Variants in ADCY7 observed in about 807,000 individuals in gnomAD.
The protein encoded by ADCY7 is adenylate cyclase type 7.
Under a neutral mutation model 120.6 loss-of-function variants are expected in ADCY7, and 72 were observed. The observed-to-expected ratio is 0.60, with a 90% CI of 0.49 to 0.73. The LOEUF (loss-of-function observed/expected upper bound fraction) is 0.73, where lower values mean the gene tolerates loss of function less well. Ranked by LOEUF, ADCY7 falls within the 30% of genes least tolerant of loss-of-function variation. ADCY7 has a pLI of 0.00. For synonymous variants in ADCY7, 661 were observed against 628.0 expected (o/e 1.05, Z -0.78); for missense variants, 1,227 against 1,486.0 (o/e 0.83, Z 2.87).
In ADCY7 at chr16:50,313,020, T is replaced by C. The variant is rs752420658; in HGVS notation, c.2735T>C (p.Ile912Thr). Residue 912 changes from isoleucine (I) to threonine (T), a missense_variant, in exon 22 of 26, where the codon ATT becomes ACT. By Grantham distance (89) the Ile-to-Thr change is moderately conservative (BLOSUM62 -1). Coordinates refer to ENST00000673801, the MANE Select transcript of ADCY7 (RefSeq NM_001114.5). ...LECLRLLNEI[I>T]ADFDELLLKP... ...TGCCTACGCCTGCTCAATGAGATCA[T>C]TGCCGACTTCGACGAGGTACAGCCT... The C allele has an allele frequency of 7.1e-5, 115 of 1,614,018 alleles. No homozygotes were observed. The highest frequency in any genetic ancestry group is 3.3e-4 in the Middle Eastern group (2 of 6,084).
chr16:50,315,197 G>A, intron 25 of ADCY7, 59 bp downstream of exon 25: 1 of 1,601,252 alleles, frequency 6.2e-7, no homozygotes, highest in Admixed American at 1.7e-5. Flanking sequence ...CAGAGGTGAG[G>A]GGACTTGGAC....
intron 19 of ADCY7, 146 bp downstream of exon 19, chr16:50,311,026 G>A (rs548561321): frequency 3.8e-5 from 33 of 858,696 alleles, no homozygotes; most frequent in East Asian, 1.9e-4. Flanking sequence ...GCTCAGAGCC[G>A]AGGAATTCAC....
chr16:50,273,312 C>T (rs2033685972), intron 1 of ADCY7, among the ~76,000 whole-genome samples: 1 of 152,250 alleles, frequency 6.6e-6, no homozygotes, highest in Non-Finnish European at 1.5e-5. Flanking sequence ...TCACGGCCTG[C>T]TGTTGGATCT....
chr16:50,313,139 A>G lies in ADCY7; in HGVS notation c.2751+103A>G. On this transcript the variant is annotated intron_variant, in intron 22 of 25. Coordinates refer to ENST00000673801, the MANE Select transcript of ADCY7 (RefSeq NM_001114.5). ...AAAACCCAATTTAAAAATGTGACAC[A>G]GAGCTGGGCAAGGTGGTCTATAATC... 1.7e-5 allele frequency: 25 copies of G among 1,484,078 alleles called. No individual in the cohort carries two copies. The South Asian group carries it at 3.1e-4, about 18-fold the overall frequency. The allele number at this position is 1,484,078 out of a possible 1,614,324, so 91.9% of individuals were successfully genotyped here. A position where few individuals can be genotyped will look rare whatever the true frequency, so the allele number is the denominator to read the frequency against.
At chr16:50,275,129 G>A (rs544690610) in intron 1 of ADCY7, among the ~76,000 whole-genome samples, 11 of 152,330 alleles carry the variant, frequency 7.2e-5, no homozygotes, top group South Asian at 6.2e-4. Flanking sequence ...AACTGCCTAG[G>A]GAGGGTGCTG....
intron 1 of ADCY7, among the ~76,000 whole-genome samples, chr16:50,281,266 C>G (rs933407264): frequency 6.6e-5 from 10 of 152,224 alleles, no homozygotes; most frequent in Non-Finnish European, 8.8e-5. Flanking sequence ...GATGAGGAAA[C>G]TGAGGCCAGA....
At chr16:50,305,170 A>G (rs2035977747) in intron 12 of ADCY7, among the ~76,000 whole-genome samples, 1 of 152,180 alleles carries the variant, frequency 6.6e-6, no homozygotes, top group Non-Finnish European at 1.5e-5. Flanking sequence ...CACCTGTTGT[A>G]TGGTGCCCTG....
In ADCY7 at chr16:50,258,824, C is replaced by T. The variant is rs1014300019; in HGVS notation, c.-64+12621C>T. On this transcript the variant is annotated intron_variant, in intron 1 of 4. Transcript: ENST00000564044. Reference sequence around the variant, plus strand: ...CTGGTCTTGAACTCCTGGGCTCAAGCGATCCTCCTGATCTCCCTGTCTTGG... The same window carrying T: ...CTGGTCTTGAACTCCTGGGCTCAAGTGATCCTCCTGATCTCCCTGTCTTGG... Among the ~76,000 whole-genome samples, 12 of 151,958 alleles carry T rather than the reference C, an allele frequency of 7.9e-5. No homozygotes were observed. The East Asian group carries it at 1.4e-3, about 17-fold the overall frequency.
At position 50,290,670 on chromosome 16, in the gene ADCY7, A is replaced by G; in HGVS notation, c.375+10A>G. On this transcript the variant is annotated intron_variant, in intron 3 of 25. Transcript: ENST00000673801. The stretch of plus-strand genomic sequence containing the variant: ...CTGTGCGTGGGAGCAGGTAACAGGA[A>G]CTCTGGACTCCCTGCCAGCTGCGCC... The G allele has an allele frequency of 6.2e-7, 1 of 1,606,874 alleles. No homozygotes were observed. The highest frequency in any genetic ancestry group is 8.5e-7 in the Non-Finnish European group (1 of 1,175,012).
chr16:50,305,407 G>A, intron 12 of ADCY7, 96 bp from the exon 13 acceptor site: 1 of 1,080,022 alleles, frequency 9.3e-7, no homozygotes, highest in South Asian at 1.3e-5. Context: ...TCCCACCTGA[G>A]GTTCTGGGAC....
At chr16:50,303,995 A>G (rs2035899968) in intron 10 of ADCY7, among the ~76,000 whole-genome samples, 1 of 151,962 alleles carries the variant, frequency 6.6e-6, no homozygotes, top group African/African-American at 2.4e-5. Flanking sequence ...AAGGAGCCTC[A>G]AGGGCAGTGG....
rs536649088 is a variant in ADCY7 at position 50,249,611 on chromosome 16, G to A, written c.-64+3408G>A. ...TTTTGGACCTGGACATTTGGGCCTC[G>A]ACTATACTGTAAGGGGAGAACATGG... is the stretch of plus-strand genomic sequence containing the variant. On this transcript the variant is annotated intron_variant, in intron 1 of 4. Coordinates refer to the ADCY7 transcript ENST00000564044. Among the ~76,000 whole-genome samples, 88 of 152,326 alleles carry A rather than the reference G, an allele frequency of 5.8e-4. No homozygotes were observed. The South Asian group carries it at 0.017, about 29-fold the overall frequency.
intron 22 of ADCY7, chr16:50,313,645 T>C: frequency 3.2e-6 from 1 of 311,292 alleles, no homozygotes; most frequent in Non-Finnish European, 5.9e-6. Flanking sequence ...GAAATCAGTT[T>C]GGGTTGAATT....
intron 1 of ADCY7, among the ~76,000 whole-genome samples, chr16:50,286,583 C>T (rs1158795778): frequency 4.6e-5 from 7 of 152,114 alleles, no homozygotes; most frequent in Non-Finnish European, 1.0e-4. Context: ...ATGCATGTCC[C>T]CAAATCTCAG....
chr16:50,290,323 G>A, intron 2 of ADCY7, 134 bp from the exon 3 acceptor site: 5 of 920,772 alleles, frequency 5.4e-6, no homozygotes, highest in Non-Finnish European at 6.6e-6. Context: ...GTGGGAACCA[G>A]GTGTGGGAGG....
At chr16:50,251,314 C>T (rs958193289) in intron 1 of ADCY7, among the ~76,000 whole-genome samples, 2 of 152,086 alleles carry the variant, frequency 1.3e-5, no homozygotes, top group Admixed American at 6.6e-5. Flanking sequence ...CATTACTTCC[C>T]GGTACTTAAA....
chr16:50,248,211 C>T (rs546660775), intron 1 of ADCY7, among the ~76,000 whole-genome samples: 54 of 152,328 alleles, frequency 3.5e-4, no homozygotes, highest in Admixed American at 7.2e-4. Flanking sequence ...GCACACATTC[C>T]CTGCCCTTGC....
intron 21 of ADCY7, among the ~76,000 whole-genome samples, 166 bp downstream of exon 21, chr16:50,312,357 G>A (rs2036535820): frequency 6.6e-6 from 1 of 152,174 alleles, no homozygotes; most frequent in Non-Finnish European, 1.5e-5. Context: ...TGAGAGCATG[G>A]GCCTGGGGTC....
intron 6 of ADCY7, among the ~76,000 whole-genome samples, chr16:50,294,229 G>T (rs1383245728): frequency 1.3e-5 from 2 of 152,174 alleles, no homozygotes; most frequent in African/African-American, 4.8e-5. Flanking sequence ...AGGACTCGAT[G>T]CCTGTAAAGT....
Sources: allele counts gnomAD v4.1 joint callset (sites outside exome capture counted in the v4.1 genomes callset), GRCh38; gene constraint gnomAD v4.1.1; transcripts MANE v1.5; gene names NCBI Gene and HGNC (gene_info 2026-07-23, HGNC 2026-07-21).